The following RRP1B variants were observed in gnomAD, a reference collection of about 807,000 sequenced individuals.
RRP1B encodes ribosomal RNA processing 1B, also known as ribosomal RNA processing protein 1 homolog B.
In RRP1B, 56 loss-of-function variants were observed where a neutral mutation model predicts 80.2. The ratio of observed to expected loss-of-function variants is 0.70; its 90% CI spans 0.56 to 0.87. RRP1B has a LOEUF of 0.87. Ranked by LOEUF, RRP1B falls within the 40% of genes least tolerant of loss-of-function variation. RRP1B has a pLI of 0.00. For synonymous variants in RRP1B, 351 were observed against 357.6 expected, an observed-to-expected ratio of 0.98 and a Z score of 0.21; for missense variants, 807 against 939.8, an observed-to-expected ratio of 0.86 and a Z score of 1.85.
chr21:43,674,901 C>T (rs2083015386), intron 5 of RRP1B, 133 bp from the exon 6 acceptor site: 19 of 1,293,156 alleles, frequency 1.5e-5, no homozygotes, highest in Non-Finnish European at 1.6e-5. Context: ...TGCTTTTTTC[C>T]TTGTAAAATG....
chr21:43,672,251 G>A, intron 2 of RRP1B, 57 bp from the exon 3 acceptor site: 1 of 1,495,410 alleles, frequency 6.7e-7, no homozygotes, highest in East Asian at 2.3e-5. Context: ...CGCGGCACAG[G>A]CATCTCATGT....
At chr21:43,683,972 C>CAAAAA (rs60372004) in intron 9 of RRP1B, among the ~76,000 whole-genome samples, 2 of 88,998 alleles carry the variant, frequency 2.2e-5, no homozygotes, top group East Asian at 3.1e-4. Context: ...GACTCTGGCT[C>CAAAAA]AAAAAAAAAA....
At chr21:43,662,745 AATTCATTC>A (rs143266465) in intron 1 of RRP1B, among the ~76,000 whole-genome samples, 1 of 152,150 alleles carries the variant, frequency 6.6e-6, no homozygotes, top group Non-Finnish European at 1.5e-5. Flanking sequence ...TATTTGTCCC[AATTCATTC>A]ATTCATTCAT....
intron 3 of RRP1B, among the ~76,000 whole-genome samples, 167 bp from the exon 4 acceptor site, chr21:43,673,703 G>T (rs1019213372): frequency 3.4e-5 from 5 of 149,218 alleles, no homozygotes; most frequent in South Asian, 2.1e-4. Flanking sequence ...AAGTGTAAAA[G>T]AAATGATTGA....
chr21:43,672,191 A>T, intron 2 of RRP1B, 117 bp from the exon 3 acceptor site: 1 of 787,684 alleles, frequency 1.3e-6, no homozygotes, highest in Non-Finnish European at 2.2e-6. Context: ...AGTGGAAGTG[A>T]CAAGAGGGGC....
intron 1 of RRP1B, 48 bp from the exon 2 acceptor site, chr21:43,669,836 A>G: frequency 7.4e-7 from 1 of 1,348,366 alleles, no homozygotes; most frequent in South Asian, 1.2e-5. Flanking sequence ...AAACTTGAAG[A>G]AAAGAGATGC....
chr21:43,673,140 T>C (rs551382346), intron 3 of RRP1B, among the ~76,000 whole-genome samples: 14 of 152,298 alleles, frequency 9.2e-5, no homozygotes, highest in African/African-American at 3.4e-4. Context: ...ATATGGATTA[T>C]ATAAGTGTCA....
At chr21:43,685,002 T>C (rs1016657582) in intron 10 of RRP1B, among the ~76,000 whole-genome samples, 1 of 152,084 alleles carries the variant, frequency 6.6e-6, no homozygotes, top group Non-Finnish European at 1.5e-5. Flanking sequence ...ATTCTTTACC[T>C]CTCCCCTCCC....
Position 43,693,300 on chromosome 21 carries a change from T to G in RRP1B, c.2194T>G (p.Ser732Ala). 6.2e-7 allele frequency: 1 copy of G among 1,613,426 alleles called. No individual in the cohort carries two copies. The highest frequency in any genetic ancestry group is 8.5e-7 in the Non-Finnish European group (1 of 1,179,752). Residue 732 changes from serine (S) to alanine (A), a missense_variant, in exon 16 of 16, where the codon TCA becomes GCA. Physicochemically the swap from Ser to Ala is moderately conservative, Grantham distance 99 (BLOSUM62 1). Transcript: ENST00000340648. The surrounding 1 kb of genome is among the most constrained non-coding windows in gnomAD (Gnocchi z 4.1). ...LHGVLKTPTS[S>A]PASSPLVAKK... is the part of the protein sequence containing the mutation. ...CGGGGTGCTGAAGACCCCCACCAGC[T>G]CACCTGCCAGCTCACCCCTGGTGGC...
chr21:43,672,499 A>G (rs2083003880), intron 3 of RRP1B, 134 bp downstream of exon 3: 2 of 751,600 alleles, frequency 2.7e-6, no homozygotes, highest in Non-Finnish European at 4.6e-6. Flanking sequence ...AAACTTAGTC[A>G]TTGACTTGGT....
intron 9 of RRP1B, among the ~76,000 whole-genome samples, chr21:43,683,609 C>CT (rs1421217952): frequency 6.6e-6 from 1 of 152,196 alleles, no homozygotes; most frequent in Non-Finnish European, 1.5e-5. Flanking sequence ...AAGCTCTCCT[C>CT]TGTTCTCTAC....
intron 8 of RRP1B, among the ~76,000 whole-genome samples, chr21:43,677,167 C>T (rs2083026254): frequency 1.3e-5 from 2 of 152,182 alleles, no homozygotes; most frequent in Admixed American, 1.3e-4. Flanking sequence ...TCTCAGGACT[C>T]TCCTCGAGGA....
At chr21:43,684,442 A>G (rs2083055784) in intron 9 of RRP1B, 111 bp from the exon 10 acceptor site, 4 of 888,130 alleles carry the variant, frequency 4.5e-6, no homozygotes, top group African/African-American at 3.3e-5. Flanking sequence ...TGTTTAGCCT[A>G]TCTGTTGCCA....
Position 43,675,152 on chromosome 21 carries a change from G to A in RRP1B, c.538G>A (p.Gly180Arg), listed in dbSNP as rs1236926326. ...DIYLDELSKV[G>R]GKELLADQNL... Reference sequence around the variant, plus strand: ...TTACCTGGATGAACTCTCCAAAGTCGGGGGGAAGGAGGTAAGCAGCTGCCG... The same window carrying A: ...TTACCTGGATGAACTCTCCAAAGTCAGGGGGAAGGAGGTAAGCAGCTGCCG... Residue 180 changes from glycine to arginine, a missense_variant, in exon 6 of 16, where the codon GGG becomes AGG. Transcript: ENST00000340648. The A allele has an allele frequency of 7.4e-6, 12 of 1,613,518 alleles. No homozygotes were observed. Among genetic ancestry groups the A allele is most frequent in the Admixed American group, 3.3e-5 (2 of 59,972 alleles).
At chr21:43,668,777 C>T (rs2082988504) in intron 1 of RRP1B, among the ~76,000 whole-genome samples, 1 of 152,152 alleles carries the variant, frequency 6.6e-6, no homozygotes, top group South Asian at 2.1e-4. Context: ...AAAGATTTCT[C>T]CTAGGATCTC....
At chr21:43,674,566 AT>A in intron 4 of RRP1B, 69 bp from the exon 5 acceptor site, 1 of 1,137,300 alleles carries the variant, frequency 8.8e-7, no homozygotes, top group East Asian at 2.9e-5. Context: ...TGCTGAGCTG[AT>A]TAATATTTCT....
At chr21:43,670,877 G>A (rs966202265) in intron 2 of RRP1B, among the ~76,000 whole-genome samples, 1 of 152,164 alleles carries the variant, frequency 6.6e-6, no homozygotes, top group Non-Finnish European at 1.5e-5. Flanking sequence ...GGGTTTTAAT[G>A]TGCAGCCTTG....
rs1163531433 is a variant in RRP1B at position 43,688,221 on chromosome 21, C to T, written c.1847C>T (p.Ala616Val). ...CACAACGGGGTGCTGGAGTCCGAAG[C>T]TGGGCAACCCCAGGCTCTGGTAAGG... is the stretch of plus-strand genomic sequence containing the variant. ...VEHNGVLESEAGQPQALGSSG... is the reference protein window; with the variant it reads ...VEHNGVLESEVGQPQALGSSG... The change falls in exon 13 of 16, where the codon GCT becomes GTT. Residue 616 changes from alanine to valine, a missense_variant. By Grantham distance (64) the Ala-to-Val change is moderately conservative. Transcript: ENST00000340648. The T allele has an allele frequency of 2.6e-6, 4 of 1,561,384 alleles. No individual in the cohort carries two copies. The highest frequency in any genetic ancestry group is 3.5e-6 in the Non-Finnish European group (4 of 1,151,546).
At chr21:43,680,735 G>T (rs974411377) in intron 8 of RRP1B, among the ~76,000 whole-genome samples, 1 of 151,990 alleles carries the variant, frequency 6.6e-6, no homozygotes, top group Non-Finnish European at 1.5e-5. Flanking sequence ...GTAGAGACAG[G>T]GGTCTCACTA....
Sources: gnomAD v4.1 joint callset for allele counts (sites outside exome capture counted in the v4.1 genomes callset) on GRCh38, gnomAD v4.1.1 for gene constraint, Gnocchi (gnomAD v3.1) non-coding constraint, MANE v1.5 for transcripts, NCBI Gene and HGNC (gene_info 2026-07-23, HGNC 2026-07-21) for gene names.